The following CDH12 variants were observed in gnomAD, a reference collection of about 807,000 sequenced individuals.
CDH12 encodes the protein cadherin-12.
In CDH12, 41 loss-of-function variants were observed where a neutral mutation model predicts 74.1. The observed-to-expected ratio is 0.55, with a 90% CI of 0.43 to 0.72. The LOEUF is 0.72. Ranked by LOEUF, CDH12 falls within the 30% of genes least tolerant of loss-of-function variation. CDH12 has a pLI of 0.00. For missense variants in CDH12, 945 were observed against 977.2 expected (o/e 0.97, Z 0.44); for synonymous variants, 399 against 355.0 (o/e 1.12, Z -1.39).
intron 4 of CDH12, among the ~76,000 whole-genome samples, chr5:22,201,862 G>A (rs551495142): frequency 6.6e-6 from 1 of 152,266 alleles, no homozygotes; most frequent in East Asian, 1.9e-4. Flanking sequence ...ACAGATGAAG[G>A]TGATAAGAAC....
intron 11 of CDH12, among the ~76,000 whole-genome samples, chr5:21,780,400 G>A (rs890893348): frequency 6.6e-6 from 1 of 152,160 alleles, no homozygotes. Flanking sequence ...CGTTATGAGT[G>A]TCTTCAATCC....
intron 1 of CDH12, among the ~76,000 whole-genome samples, chr5:22,528,782 G>A (rs1041590352): frequency 6.6e-6 from 1 of 152,050 alleles, no homozygotes; most frequent in African/African-American, 2.4e-5. Context: ...GAGTGTCACT[G>A]ATGATGTTTT....
intron 2 of CDH12, among the ~76,000 whole-genome samples, chr5:22,449,126 T>C (rs897026322): frequency 5.9e-5 from 9 of 152,070 alleles, no homozygotes; most frequent in African/African-American, 1.9e-4. Flanking sequence ...TCAGCTGTTA[T>C]GAGATGAACC....
chr5:22,065,958 C>A (rs149823721), intron 5 of CDH12, among the ~76,000 whole-genome samples: 4 of 152,112 alleles, frequency 2.6e-5, no homozygotes, highest in East Asian at 1.9e-4. Flanking sequence ...ATTATTTGAT[C>A]TGTACAAACA....
At chr5:21,858,269 G>A (rs1750856853) in intron 6 of CDH12, among the ~76,000 whole-genome samples, 1 of 151,768 alleles carries the variant, frequency 6.6e-6, no homozygotes. Flanking sequence ...TTATTTCTAT[G>A]TTGTAAAATT....
intron 1 of CDH12, among the ~76,000 whole-genome samples, chr5:22,764,443 A>C (rs1247056240): frequency 6.6e-6 from 1 of 151,952 alleles, no homozygotes; most frequent in Non-Finnish European, 1.5e-5. Context: ...TGATTAATTG[A>C]ATAAAGAAAC....
At chr5:22,580,044 A>G (rs765620848) in intron 1 of CDH12, among the ~76,000 whole-genome samples, 8 of 151,898 alleles carry the variant, frequency 5.3e-5, no homozygotes, top group African/African-American at 9.7e-5. Context: ...TAATGATATC[A>G]CCTTTTTAGC....
At chr5:21,977,788 AT>A (rs1287674555) in intron 5 of CDH12, among the ~76,000 whole-genome samples, 1 of 152,184 alleles carries the variant, frequency 6.6e-6, no homozygotes, top group Admixed American at 6.5e-5. Context: ...TCAGAAAAAA[AT>A]ATGGGAAAAT....
intron 1 of CDH12, among the ~76,000 whole-genome samples, chr5:22,823,324 G>T (rs975901548): frequency 3.9e-5 from 6 of 151,996 alleles, no homozygotes; most frequent in Admixed American, 3.9e-4. Flanking sequence ...CATGGCACAT[G>T]TATACATATG....
chr5:22,486,446 ATTTT>A (rs5866568), intron 2 of CDH12, among the ~76,000 whole-genome samples: 5 of 131,400 alleles, frequency 3.8e-5, no homozygotes, highest in East Asian at 2.2e-4. Context: ...GTAACTAGTA[ATTTT>A]TTTTTTTTTT....
chr5:21,964,642 T>G (rs1756503247), intron 6 of CDH12, among the ~76,000 whole-genome samples: 1 of 151,994 alleles, frequency 6.6e-6, no homozygotes, highest in Non-Finnish European at 1.5e-5. Context: ...CCTGCTTTTG[T>G]TGTATTAGAG....
Position 21,989,005 on chromosome 5 carries a change from A to G in CDH12, c.232-13620T>C, listed in dbSNP as rs142325856. 2.3e-3 allele frequency among the ~76,000 whole-genome samples: 355 copies of G among 152,288 alleles called. 4 individuals are homozygous for G. Among genetic ancestry groups the G allele is most frequent in the African/African-American group, 8.0e-3 (331 of 41,546 alleles). ...ATTTGAGGAGTCTTTAGAGTTCACT[A>G]AAGTTCATGGATTGGACGTTATAGC... On this transcript the variant is annotated intron_variant, in intron 5 of 14. Transcript: ENST00000382254.
At chr5:21,958,255 T>C (rs1388097785) in intron 6 of CDH12, among the ~76,000 whole-genome samples, 1 of 152,118 alleles carries the variant, frequency 6.6e-6, no homozygotes, top group Non-Finnish European at 1.5e-5. Context: ...TATAAATTAC[T>C]CAGTCTCTGG....
chr5:22,654,896 G>C (rs1394455516), intron 1 of CDH12, among the ~76,000 whole-genome samples: 4 of 152,142 alleles, frequency 2.6e-5, no homozygotes, highest in Non-Finnish European at 5.9e-5. Context: ...CTCTCAACGT[G>C]CTGGGAATAC....
intron 3 of CDH12, among the ~76,000 whole-genome samples, chr5:22,347,064 A>T (rs578257385): frequency 1.3e-5 from 2 of 152,336 alleles, no homozygotes; most frequent in East Asian, 3.9e-4. Context: ...CTAAAGGATA[A>T]AAGTGATTGT....
At chr5:21,991,632 G>A (rs1408204668) in intron 5 of CDH12, among the ~76,000 whole-genome samples, 1 of 115,438 alleles carries the variant, frequency 8.7e-6, no homozygotes, top group Non-Finnish European at 1.9e-5. Flanking sequence ...TACAGTGCCT[G>A]CTTATTTTCA....
chr5:22,259,278 C>T (rs968946039), intron 3 of CDH12, among the ~76,000 whole-genome samples: 4 of 151,984 alleles, frequency 2.6e-5, no homozygotes. Context: ...TATGAACGTT[C>T]CACATAGCCA....
intron 2 of CDH12, among the ~76,000 whole-genome samples, chr5:22,456,743 A>C (rs1745291819): frequency 6.6e-6 from 1 of 152,188 alleles, no homozygotes; most frequent in Non-Finnish European, 1.5e-5. Context: ...TTTTGACATA[A>C]TTTATGCAAA....
At chr5:21,802,456 T>G (rs1747173506) in intron 9 of CDH12, 36 bp from the exon 10 acceptor site, 2 of 1,551,818 alleles carry the variant, frequency 1.3e-6, no homozygotes, top group African/African-American at 2.7e-5. Context: ...AGGAGTAAAT[T>G]TATATAGAAT....
Sources: gnomAD v4.1 joint callset for allele counts (sites outside exome capture counted in the v4.1 genomes callset) on GRCh38, gnomAD v4.1.1 for gene constraint, MANE v1.5 for transcripts, NCBI Gene and HGNC (gene_info 2026-07-23, HGNC 2026-07-21) for gene names.